The following CUL1 variants were observed in gnomAD, a reference collection of about 807,000 sequenced individuals.
CUL1 encodes cullin 1, also known as cullin-1.
In CUL1, 24 loss-of-function variants were observed where a neutral mutation model predicts 118.0. That is an observed-to-expected ratio of 0.20 (90% CI 0.15 to 0.29). CUL1 has a LOEUF of 0.29. CUL1 is among the 10% of genes least tolerant of loss of function. The pLI is 1.00. For synonymous variants in CUL1, 332 were observed against 340.4 expected (o/e 0.98, Z 0.27); for missense variants, 361 against 933.8 (o/e 0.39, Z 7.99).
intron 1 of CUL1, among the ~76,000 whole-genome samples, 188 bp downstream of exon 1, chr7:148,699,217 G>A (rs936412422): frequency 6.6e-6 from 1 of 152,016 alleles, no homozygotes; most frequent in East Asian, 1.9e-4. Context: ...GTGGGCGGAG[G>A]ACGCCGAAGG....
rs1026181326 is a variant in CUL1 at position 148,698,964 on chromosome 7, CG to C, written c.-223del. On this transcript the variant is annotated 5_prime_UTR_variant, in exon 1 of 22. Transcript: ENST00000325222. ...GACCTTGGCGGGACGGGGCTTTCGCCGGGGCCCAGGCCCAGGGACCAGGCGG... is the reference window on the plus strand; with the variant it reads ...GACCTTGGCGGGACGGGGCTTTCGCCGGGCCCAGGCCCAGGGACCAGGCGG... 5.2e-5 allele frequency: 8 copies of C among 153,578 alleles called. No individual in the cohort carries two copies. The highest frequency in any genetic ancestry group is 8.7e-5 in the Non-Finnish European group (6 of 68,742). The allele number at this position is 153,578 out of a possible 1,614,324, so 9.5% of individuals were successfully genotyped here.
At chr7:148,778,232 G>A (rs1277636805) in intron 9 of CUL1, among the ~76,000 whole-genome samples, 1 of 152,046 alleles carries the variant, frequency 6.6e-6, no homozygotes, top group Non-Finnish European at 1.5e-5. Context: ...AGATGATACA[G>A]TAGAAAAGGC....
At chr7:148,711,040 C>T (rs567977279) in intron 1 of CUL1, among the ~76,000 whole-genome samples, 96 of 152,148 alleles carry the variant, frequency 6.3e-4, no homozygotes, top group African/African-American at 2.1e-3. Context: ...TTAAAAAGTC[C>T]CCTTCCCAAA....
At chr7:148,714,999 C>T (rs548243370) in intron 1 of CUL1, among the ~76,000 whole-genome samples, 103 of 152,312 alleles carry the variant, frequency 6.8e-4, no homozygotes, top group African/African-American at 1.2e-3. Context: ...CCTCCTCCTG[C>T]CTCAGCCTCC....
At chr7:148,761,999 G>A (rs1261089167) in intron 7 of CUL1, among the ~76,000 whole-genome samples, 1 of 152,210 alleles carries the variant, frequency 6.6e-6, no homozygotes, top group Non-Finnish European at 1.5e-5. Flanking sequence ...AGGAGGCGGA[G>A]CTCAGGTAGT....
intron 1 of CUL1, among the ~76,000 whole-genome samples, chr7:148,725,213 G>A (rs1399582135): frequency 0.027 from 2,029 of 75,092 alleles, 59 homozygotes; most frequent in African/African-American, 0.093. Flanking sequence ...ACACACACAC[G>A]CGCGCGCTCA....
rs988610980 is a variant in CUL1 at position 148,787,184 on chromosome 7, C to T, written c.1479+64C>T. ...GTCATTATTAAAACAGCTCTATGGC[C>T]GAGCGCGGTGGCTCATGCCTGTAAT... On this transcript the variant is annotated intron_variant, in intron 13 of 21. Transcript: ENST00000325222. The surrounding 1 kb of genome is among the most constrained non-coding windows in gnomAD (Gnocchi z 5.5). The T allele has an allele frequency of 2.4e-5, 38 of 1,556,220 alleles. No homozygotes were observed. Among genetic ancestry groups the T allele is most frequent in the Non-Finnish European group, 3.1e-5 (35 of 1,142,168 alleles).
At chr7:148,771,905 A>G (rs1363342881) in intron 9 of CUL1, among the ~76,000 whole-genome samples, 2 of 152,132 alleles carry the variant, frequency 1.3e-5, no homozygotes, top group African/African-American at 4.8e-5. Flanking sequence ...AGCAGAGACC[A>G]TTCCTTCACG....
intron 9 of CUL1, among the ~76,000 whole-genome samples, chr7:148,771,098 C>G (rs987952982): frequency 1.3e-5 from 2 of 151,786 alleles, no homozygotes; most frequent in Non-Finnish European, 2.9e-5. Context: ...TTTTTAAGTG[C>G]AAAAATGTGT....
intron 2 of CUL1, among the ~76,000 whole-genome samples, chr7:148,749,984 A>G (rs1157839894): frequency 1.3e-5 from 2 of 152,236 alleles, no homozygotes; most frequent in Non-Finnish European, 2.9e-5. Context: ...TAGAAGATCA[A>G]ACCAGTCACA....
At position 148,797,956 on chromosome 7, in the gene CUL1, C is replaced by G; in HGVS notation, c.1967C>G (p.Ala656Gly). 6.2e-7 allele frequency: 1 copy of G among 1,612,500 alleles called. No individual in the cohort carries two copies. Among genetic ancestry groups the G allele is most frequent in the Non-Finnish European group, 8.5e-7 (1 of 1,178,890 alleles). Residue 656 changes from alanine (A) to glycine (G), a missense_variant, in exon 19 of 22, where the codon GCA (alanine) becomes GGA (glycine). Physicochemically the swap from Ala to Gly is moderately conservative, Grantham distance 60. This residue lies in a region of CUL1 where 84 missense variants were observed against 203.3 expected (regional missense o/e 0.41). Coordinates refer to ENST00000325222, the MANE Select transcript of CUL1 (RefSeq NM_003592.3). ...SKLLVLEDEN[A>G]NVDEVELKPD... ...TTACAGGTCTTGGAAGATGAAAATG[C>G]AAATGTTGATGAGGTGGAATTGAAG...
chr7:148,783,343 C>T (rs1800708700), intron 9 of CUL1: 2 of 985,162 alleles, frequency 2.0e-6, no homozygotes, highest in Non-Finnish European at 2.4e-6. Context: ...GTCAGACTCC[C>T]GCCCTGAGCC....
At chr7:148,710,484 G>C (rs1433796272) in intron 1 of CUL1, among the ~76,000 whole-genome samples, 1 of 152,102 alleles carries the variant, frequency 6.6e-6, no homozygotes, top group Non-Finnish European at 1.5e-5. Context: ...CAGGAGAATC[G>C]CTTGAACCCG....
intron 9 of CUL1, among the ~76,000 whole-genome samples, chr7:148,782,162 T>C (rs1800661401): frequency 6.6e-6 from 1 of 152,228 alleles, no homozygotes; most frequent in Admixed American, 6.5e-5. Context: ...TAATTTGACA[T>C]GAAATCTGAA....
intron 1 of CUL1, among the ~76,000 whole-genome samples, chr7:148,721,399 T>A (rs1050380055): frequency 6.6e-6 from 1 of 152,190 alleles, no homozygotes; most frequent in Non-Finnish European, 1.5e-5. Context: ...TTTGCTGAGG[T>A]TTTTGTTAGC....
At chr7:148,793,510 T>C (rs1489783460) in intron 17 of CUL1, among the ~76,000 whole-genome samples, 5 of 152,228 alleles carry the variant, frequency 3.3e-5, no homozygotes, top group African/African-American at 1.2e-4. Flanking sequence ...TCAATTTGCC[T>C]ACTCCAGACA....
chr7:148,768,612 G>T (rs560833608), intron 9 of CUL1, among the ~76,000 whole-genome samples: 4 of 151,734 alleles, frequency 2.6e-5, no homozygotes, highest in Non-Finnish European at 5.9e-5. Context: ...CTCAAACTCC[G>T]GACCTCAGGT....
chr7:148,743,296 G>A (rs1232445119), intron 2 of CUL1, among the ~76,000 whole-genome samples: 1 of 152,210 alleles, frequency 6.6e-6, no homozygotes, highest in Non-Finnish European at 1.5e-5. Context: ...GCTTGCGGGA[G>A]ATGATTGTGC....
chr7:148,762,730 A>C (rs1425036495), intron 7 of CUL1, among the ~76,000 whole-genome samples: 2 of 152,246 alleles, frequency 1.3e-5, no homozygotes, highest in African/African-American at 4.8e-5. Flanking sequence ...TTATGGGTTT[A>C]TTAGAGGATT....
Sources: allele counts gnomAD v4.1 joint callset (sites outside exome capture counted in the v4.1 genomes callset), GRCh38; gene constraint gnomAD v4.1.1; regional missense constraint gnomAD v4.1.1; non-coding constraint Gnocchi (gnomAD v3.1); transcripts MANE v1.5; gene names NCBI Gene and HGNC (gene_info 2026-07-23, HGNC 2026-07-21).